Variants in DENND4A observed in about 807,000 individuals in gnomAD.
DENND4A encodes the protein C-myc promoter-binding protein.
DENND4A carries 70 observed loss-of-function variants against 199.3 expected under a neutral mutation model. The ratio of observed to expected loss-of-function variants is 0.35; its 90% CI spans 0.29 to 0.43. The LOEUF (loss-of-function observed/expected upper bound fraction) is 0.43, where lower values mean the gene tolerates loss of function less well. Ranked by LOEUF, DENND4A falls within the 20% of genes least tolerant of loss-of-function variation. The probability of loss-of-function intolerance (pLI) is 1.00; values close to 1 mark genes in which losing one functional copy is unlikely to be tolerated. For missense variants in DENND4A, 1,723 were observed against 2,255.8 expected (o/e 0.76, Z 4.78); for synonymous variants, 686 against 766.9 (o/e 0.89, Z 1.74).
At chr15:65,689,401 T>G (rs2076897660) in intron 23 of DENND4A, among the ~76,000 whole-genome samples, 1 of 152,212 alleles carries the variant, frequency 6.6e-6, no homozygotes. Flanking sequence ...CATTGTATAT[T>G]AAAAACTGTA....
At chr15:65,779,710 T>C (rs1198231036) in intron 1 of DENND4A, among the ~76,000 whole-genome samples, 1 of 151,916 alleles carries the variant, frequency 6.6e-6, no homozygotes, top group Non-Finnish European at 1.5e-5. Flanking sequence ...AGTGCAGTAG[T>C]GCGATCTCAG....
intron 12 of DENND4A, among the ~76,000 whole-genome samples, chr15:65,720,378 G>A (rs1196518563): frequency 1.3e-5 from 2 of 151,592 alleles, no homozygotes; most frequent in Non-Finnish European, 2.9e-5. Context: ...GAAAATACTG[G>A]AAGAACGTAA....
rs2077097859 is a variant in DENND4A, at chr15:65,770,409, T to C, written c.-101-8971A>G. On this transcript the variant is annotated intron_variant, in intron 1 of 32. Transcript: ENST00000443035. ...TGTAAATGACATAACTGCACTTTAC[T>C]GTTGAAGACCCTTTTAGTTTACTAT... is the stretch of plus-strand genomic sequence containing the variant. 2.0e-5 allele frequency among the ~76,000 whole-genome samples: 3 copies of C among 152,308 alleles called. No homozygotes were observed. In the South Asian group the frequency reaches 6.2e-4, roughly 32 times the overall value.
chr15:65,686,678 C>T (rs1487314057), intron 23 of DENND4A, among the ~76,000 whole-genome samples: 1 of 152,112 alleles, frequency 6.6e-6, no homozygotes, highest in African/African-American at 2.4e-5. Flanking sequence ...GCTGGAACTA[C>T]AGGAACACAC....
At chr15:65,711,950 A>G (rs1039586733) in intron 14 of DENND4A, among the ~76,000 whole-genome samples, 1 of 152,162 alleles carries the variant, frequency 6.6e-6, no homozygotes, top group African/African-American at 2.4e-5. Context: ...AAAGGTGCAC[A>G]CCACCATGCC....
chr15:65,773,091 C>T (rs2077185257), intron 1 of DENND4A, among the ~76,000 whole-genome samples: 1 of 150,344 alleles, frequency 6.7e-6, no homozygotes. Flanking sequence ...CATCCAGTGG[C>T]ATCAACGGTG....
intron 13 of DENND4A, 96 bp downstream of exon 13, chr15:65,717,682 T>C (rs2075450280): frequency 1.8e-6 from 2 of 1,103,978 alleles, no homozygotes; most frequent in African/African-American, 3.2e-5. Flanking sequence ...TAGGTATGTA[T>C]TCTCATAAAT....
intron 12 of DENND4A, among the ~76,000 whole-genome samples, chr15:65,718,321 C>T (rs986923303): frequency 2.0e-5 from 3 of 152,054 alleles, no homozygotes; most frequent in African/African-American, 7.3e-5. Flanking sequence ...CAAGACTAGC[C>T]TGGGCAACAT....
At chr15:65,749,360 G>A (rs139630609) in intron 4 of DENND4A, among the ~76,000 whole-genome samples, 1 of 152,092 alleles carries the variant, frequency 6.6e-6, no homozygotes, top group African/African-American at 2.4e-5. Flanking sequence ...AAAATGGGGA[G>A]AAAATACCTA....
rs780450925 is a variant in DENND4A at position 65,701,830 on chromosome 15, G to C, written c.2491C>G (p.Arg831Gly). The C allele has an allele frequency of 6.2e-7, 1 of 1,613,716 alleles. No homozygotes were observed. ...GQYDQPVLAV[R>G]VLFEMQKAGI... ...GCTTTCTGCATTTCAAAAAGCACTC[G>C]AACTGCAAGCACTGGCTGATCATAT... is the stretch of plus-strand genomic sequence containing the variant. The change falls in exon 18 of 33, where the codon CGA becomes GGA. Residue 831 changes from arginine to glycine, a missense_variant. Transcript: ENST00000443035.
At chr15:65,705,835 A>G in intron 15 of DENND4A, 1 of 248,460 alleles carries the variant, frequency 4.0e-6, no homozygotes, top group Non-Finnish European at 6.4e-6. Context: ...ACTGAATGTA[A>G]TCAACATTTA....
In DENND4A at chr15:65,727,926, A is replaced by G. The variant is rs1465121927; in HGVS notation, c.1487+1146T>C. On this transcript the variant is annotated intron_variant, in intron 11 of 32. Transcript: ENST00000443035. ...ACCCTTGCATCCCTAGGGTGTAAAG[A>G]TAATGAAATTATGTATAATTTAAAA... The G allele has an allele frequency of 3.6e-5, 7 of 194,842 alleles. No homozygotes were observed. The South Asian group carries it at 4.5e-4, about 12-fold the overall frequency. 12.1% of individuals were successfully genotyped at this position (194,842 alleles called of 1,614,324 possible). A position where few individuals can be genotyped will look rare whatever the true frequency, so the allele number is the denominator to read the frequency against.
chr15:65,711,405 A>G (rs1213356048), intron 14 of DENND4A, among the ~76,000 whole-genome samples: 1 of 152,174 alleles, frequency 6.6e-6, no homozygotes, highest in Non-Finnish European at 1.5e-5. Flanking sequence ...GAGGTGAGAA[A>G]TCACTTGGGC....
chr15:65,709,602 G>A (rs573197671), intron 14 of DENND4A, among the ~76,000 whole-genome samples: 12 of 146,700 alleles, frequency 8.2e-5, no homozygotes, highest in African/African-American at 3.0e-4. Context: ...GCTAAGGCAG[G>A]AGAACTGCTT....
In DENND4A at chr15:65,722,158, C is replaced by T. The variant is rs78207966; in HGVS notation, c.1588+690G>A. Among the ~76,000 whole-genome samples, 905 of 152,200 alleles carry T rather than the reference C, an allele frequency of 5.9e-3. 9 individuals carry two copies. The highest frequency in any genetic ancestry group is 0.019 in the African/African-American group (803 of 41,530). ...TAATGTAGTTTACATCATTTGTCTT[C>T]GATTTTCAAAACTAACTTTCTATTC... is the stretch of plus-strand genomic sequence containing the variant. On this transcript the variant is annotated intron_variant, in intron 12 of 32. Transcript: ENST00000443035.
intron 1 of DENND4A, among the ~76,000 whole-genome samples, chr15:65,762,107 A>G (rs2076866914): frequency 6.6e-6 from 1 of 152,114 alleles, no homozygotes. Flanking sequence ...TCCTGGGTTC[A>G]AGAGATTCTC....
chr15:65,728,311 A>G (rs2075866146), intron 11 of DENND4A, among the ~76,000 whole-genome samples: 1 of 151,956 alleles, frequency 6.6e-6, no homozygotes, highest in Non-Finnish European at 1.5e-5. Flanking sequence ...TCTATATTTA[A>G]GTATTCTAAT....
intron 11 of DENND4A, among the ~76,000 whole-genome samples, chr15:65,724,853 C>A (rs934357724): frequency 1.3e-5 from 2 of 152,178 alleles, no homozygotes; most frequent in Admixed American, 1.3e-4. Context: ...CTGTGTCTTA[C>A]CATTCACTGC....
At chr15:65,681,216 T>A (rs910663729) in intron 23 of DENND4A, 3 of 152,252 alleles carry the variant, frequency 2.0e-5, no homozygotes, top group Admixed American at 1.3e-4. Flanking sequence ...CATATCTGCA[T>A]AATTCCTCCA....
Sources: gnomAD v4.1 joint callset for allele counts (sites outside exome capture counted in the v4.1 genomes callset) on GRCh38, gnomAD v4.1.1 for gene constraint, MANE v1.5 for transcripts, NCBI Gene and HGNC (gene_info 2026-07-23, HGNC 2026-07-21) for gene names.